Variants in AEBP2 observed in about 807,000 individuals in gnomAD.
AEBP2 encodes AE binding protein 2.
AEBP2 carries 10 observed loss-of-function variants against 50.8 expected under a neutral mutation model. The ratio of observed to expected loss-of-function variants is 0.20; its 90% CI spans 0.12 to 0.33. The LOEUF (loss-of-function observed/expected upper bound fraction) is 0.33. AEBP2 is among the 10% of genes least tolerant of loss of function. The pLI is 1.00. For missense variants in AEBP2, 570 were observed against 688.0 expected, an observed-to-expected ratio of 0.83 and a Z score of 1.92; for synonymous variants, 296 against 261.3, an observed-to-expected ratio of 1.13 and a Z score of -1.28.
At chr12:19,503,406 G>A (rs1949112322) in intron 5 of AEBP2, among the ~76,000 whole-genome samples, 1 of 151,894 alleles carries the variant, frequency 6.6e-6, no homozygotes, top group Admixed American at 6.6e-5. Context: ...GTCAGCTTGA[G>A]TGTTATTGGG....
At position 19,521,248 on chromosome 12, in the gene AEBP2, T is replaced by G. The variant is rs560718698; in HGVS notation, c.*3131T>G. 17 of 152,328 alleles carry G rather than the reference T, an allele frequency of 1.1e-4. No individual in the cohort carries two copies. The East Asian group carries it at 3.3e-3, about 29-fold the overall frequency. The allele number at this position is 152,328 out of a possible 1,614,324, so 9.4% of individuals were successfully genotyped here. A position where few individuals can be genotyped will look rare whatever the true frequency, so the allele number is the denominator to read the frequency against. On this transcript the variant is annotated 3_prime_UTR_variant, in exon 8 of 8. Coordinates refer to ENST00000266508, the MANE Select transcript of AEBP2 (RefSeq NM_153207.5). ...TTTAATATGACAATGTTGATCTTGG[T>G]AATAAGCCAGTACATTAAATTTTAG...
chr12:19,443,554 C>T (rs932396636), intron 1 of AEBP2, among the ~76,000 whole-genome samples: 2 of 151,828 alleles, frequency 1.3e-5, no homozygotes, highest in African/African-American at 2.4e-5. Context: ...AACCCCATCT[C>T]TACTAAAAAT....
chr12:19,457,144 T>C (rs1245895178), intron 1 of AEBP2: 63 of 1,598,066 alleles, frequency 3.9e-5, no homozygotes, highest in Non-Finnish European at 5.1e-5. Context: ...ATATCTCTTC[T>C]GGCTGTAGGG....
intron 1 of AEBP2, among the ~76,000 whole-genome samples, chr12:19,406,555 T>A (rs573103456): frequency 6.6e-6 from 1 of 151,996 alleles, no homozygotes; most frequent in Non-Finnish European, 1.5e-5. Flanking sequence ...GGCATGCACC[T>A]GTAATCCCAG....
chr12:19,484,608 C>T (rs933428543), intron 3 of AEBP2, among the ~76,000 whole-genome samples: 8 of 152,078 alleles, frequency 5.3e-5, no homozygotes, highest in East Asian at 1.9e-4. Context: ...CTCTTGACCT[C>T]GTGATCCGCC....
chr12:19,508,879 G>A (rs940648694), intron 5 of AEBP2: 10 of 247,958 alleles, frequency 4.0e-5, no homozygotes, highest in African/African-American at 8.9e-5. Flanking sequence ...TTCCTCTTCC[G>A]GAACGTTGTC....
chr12:19,483,236 G>T (rs1948756277), intron 3 of AEBP2, among the ~76,000 whole-genome samples: 1 of 152,130 alleles, frequency 6.6e-6, no homozygotes, highest in South Asian at 2.1e-4. Flanking sequence ...TCTAGCTAGA[G>T]GCTGGGAATG....
chr12:19,456,898 A>G, intron 1 of AEBP2: 1 of 1,459,772 alleles, frequency 6.9e-7, no homozygotes, highest in Non-Finnish European at 9.6e-7. Flanking sequence ...AGGCAGGCAA[A>G]GGGGCTTGTT....
At chr12:19,444,213 G>A (rs1443047135) in intron 1 of AEBP2, among the ~76,000 whole-genome samples, 1 of 152,160 alleles carries the variant, frequency 6.6e-6, no homozygotes, top group Admixed American at 6.5e-5. Context: ...ACAGTATCAT[G>A]TAAAAATAGT....
At chr12:19,489,866 TTC>T (rs769347798) in intron 3 of AEBP2, among the ~76,000 whole-genome samples, 3 of 148,700 alleles carry the variant, frequency 2.0e-5, no homozygotes, top group African/African-American at 7.6e-5. Context: ...TAAATTTTAC[TTC>T]TGTTTTTTTT....
At position 19,493,632 on chromosome 12, in the gene AEBP2, A is replaced by G. The variant is rs16915544; in HGVS notation, c.988-168A>G. On this transcript the variant is annotated intron_variant, in intron 3 of 7. Coordinates refer to ENST00000266508, the MANE Select transcript of AEBP2 (RefSeq NM_153207.5). Reference sequence around the variant, plus strand: ...CTAATGTATGTCATCTTACTTGGCAACTTACTTCGTAAAGTGAAAAGACTA... The same window carrying G: ...CTAATGTATGTCATCTTACTTGGCAGCTTACTTCGTAAAGTGAAAAGACTA... Among the ~76,000 whole-genome samples the G allele has an allele frequency of 0.071, 10,846 of 152,202 alleles. 470 individuals are homozygous for G. The highest frequency in any genetic ancestry group is 0.2 in the South Asian group (973 of 4,822).
chr12:19,408,716 G>A (rs1251185878), intron 1 of AEBP2, among the ~76,000 whole-genome samples: 2 of 151,682 alleles, frequency 1.3e-5, no homozygotes, highest in African/African-American at 4.8e-5. Context: ...CCTAACCAAC[G>A]TGGTGAAACC....
At chr12:19,456,793 C>T (rs181097398) in intron 1 of AEBP2, 9 of 1,568,730 alleles carry the variant, frequency 5.7e-6, no homozygotes. Flanking sequence ...TTGACTGGAG[C>T]AAAGGTGACC....
intron 1 of AEBP2, among the ~76,000 whole-genome samples, chr12:19,407,469 A>G (rs1046199532): frequency 5.3e-5 from 8 of 151,810 alleles, no homozygotes; most frequent in African/African-American, 1.9e-4. Flanking sequence ...ATGCCCAGTT[A>G]ATTTCTGTAT....
intron 1 of AEBP2, among the ~76,000 whole-genome samples, chr12:19,408,976 C>A (rs2095737821): frequency 1.3e-5 from 2 of 151,656 alleles, no homozygotes; most frequent in South Asian, 4.2e-4. Context: ...TTTTTTGTTT[C>A]TTTTCCGGAA....
chr12:19,498,576 A>G (rs1949020248), intron 4 of AEBP2, among the ~76,000 whole-genome samples: 1 of 152,206 alleles, frequency 6.6e-6, no homozygotes, highest in Non-Finnish European at 1.5e-5. Flanking sequence ...AATTCAGAAT[A>G]TGCTGTACCA....
At chr12:19,416,791 A>C (rs748352444) in intron 1 of AEBP2, among the ~76,000 whole-genome samples, 1 of 151,632 alleles carries the variant, frequency 6.6e-6, no homozygotes, top group Non-Finnish European at 1.5e-5. Flanking sequence ...ACCTCAGGTA[A>C]TCAGCCCACC....
chr12:19,421,612 ACT>A, intron 1 of AEBP2, among the ~76,000 whole-genome samples: 1 of 152,070 alleles, frequency 6.6e-6, no homozygotes, highest in Non-Finnish European at 1.5e-5. Context: ...ACAGAGTGAG[ACT>A]CTGTCTCAAA....
chr12:19,495,805 A>G (rs545650721), intron 4 of AEBP2, among the ~76,000 whole-genome samples: 2 of 152,186 alleles, frequency 1.3e-5, no homozygotes, highest in East Asian at 3.9e-4. Context: ...CAGCCTCCCA[A>G]AGTGCTAGGA....
Sources: allele counts gnomAD v4.1 joint callset (sites outside exome capture counted in the v4.1 genomes callset), GRCh38; gene constraint gnomAD v4.1.1; transcripts MANE v1.5; gene names NCBI Gene and HGNC (gene_info 2026-07-23, HGNC 2026-07-21).